MITF: variants seen among roughly 807,000 people sequenced by gnomAD.
MITF encodes melanocyte inducing transcription factor.
A neutral mutation model predicts 60.5 loss-of-function variants in MITF; 17 were observed. The ratio of observed to expected loss-of-function variants is 0.28; its 90% CI spans 0.19 to 0.42. The LOEUF (loss-of-function observed/expected upper bound fraction) is 0.42, where lower values mean the gene tolerates loss of function less well. Ranked by LOEUF, MITF falls within the 10% of genes least tolerant of loss-of-function variation. The pLI is 1.00. For missense variants in MITF, 622 were observed against 683.5 expected, an observed-to-expected ratio of 0.91 and a Z score of 1.00; for synonymous variants, 260 against 248.5, an observed-to-expected ratio of 1.05 and a Z score of -0.43.
Position 69,927,282 on chromosome 3 carries a change from C to T in MITF, c.355-10540C>T, listed in dbSNP as rs1158967861. 1.4e-4 allele frequency among the ~76,000 whole-genome samples: 22 copies of T among 152,116 alleles called. 1 individual carries two copies. The highest frequency in any genetic ancestry group is 2.9e-5 in the Non-Finnish European group (2 of 68,018). ...ATTAACACAGTAACGGAAAACCAAA[C>T]ACCACATGTTCTCATTCATACGTGG... On this transcript the variant is annotated intron_variant, in intron 2 of 9. Transcript: ENST00000352241.
intron 1 of MITF, among the ~76,000 whole-genome samples, chr3:69,867,840 C>T (rs1467048938): frequency 6.6e-6 from 1 of 152,150 alleles, no homozygotes; most frequent in African/African-American, 2.4e-5. Flanking sequence ...TTTTAGTTAA[C>T]TAAAATACTT....
At chr3:69,827,205 T>C (rs1020732545) in intron 1 of MITF, among the ~76,000 whole-genome samples, 6 of 152,170 alleles carry the variant, frequency 3.9e-5, no homozygotes, top group African/African-American at 1.4e-4. Flanking sequence ...AGTGAGGACT[T>C]GAGAAAATTC....
rs756211227 is a variant in MITF, at chr3:69,949,001, C to A, written c.763-50C>A. 51 of 1,324,820 alleles carry A rather than the reference C, an allele frequency of 3.8e-5. No individual in the cohort carries two copies. The highest frequency in any genetic ancestry group is 4.3e-5 in the Non-Finnish European group (39 of 916,848). 82.1% of individuals were successfully genotyped at this position (1,324,820 alleles called of 1,614,324 possible). ...AGGATATAGGTTTTATCTGAAAAAA[C>A]ATGGGAATTGTTCAACAGTTAATTT... On this transcript the variant is annotated intron_variant, in intron 5 of 9. Transcript: ENST00000352241.
chr3:69,857,426 A>C (rs897020563), intron 1 of MITF, among the ~76,000 whole-genome samples: 1 of 152,150 alleles, frequency 6.6e-6, no homozygotes, highest in Non-Finnish European at 1.5e-5. Context: ...TGCAAATATG[A>C]GATACAGTTA....
At chr3:69,805,181 A>T (rs2062985258) in intron 1 of MITF, among the ~76,000 whole-genome samples, 1 of 152,170 alleles carries the variant, frequency 6.6e-6, no homozygotes, top group Non-Finnish European at 1.5e-5. Context: ...AGTTAGGAAG[A>T]TAATTGATCT....
intron 1 of MITF, among the ~76,000 whole-genome samples, chr3:69,838,824 T>C (rs1279965313): frequency 1.3e-5 from 2 of 152,204 alleles, no homozygotes; most frequent in African/African-American, 4.8e-5. Context: ...CTCCCCCTAA[T>C]TTTAAAAGTC....
intron 1 of MITF, among the ~76,000 whole-genome samples, chr3:69,840,500 G>C (rs887577422): frequency 2.0e-5 from 3 of 151,702 alleles, no homozygotes; most frequent in African/African-American, 7.3e-5. Context: ...TGGCACCTCG[G>C]AAAGGGAAGA....
intron 1 of MITF, among the ~76,000 whole-genome samples, chr3:69,781,777 C>T (rs950922051): frequency 5.9e-5 from 9 of 152,172 alleles, no homozygotes; most frequent in South Asian, 4.1e-4. Context: ...TGTTGGCAGG[C>T]GTTAGTCTGA....
chr3:69,896,862 C>T (rs918484861), intron 2 of MITF, among the ~76,000 whole-genome samples: 1 of 152,106 alleles, frequency 6.6e-6, no homozygotes. Flanking sequence ...ACTGTTGAAC[C>T]CTTCAAACAT....
chr3:69,856,212 A>G (rs2063915738), intron 1 of MITF, among the ~76,000 whole-genome samples: 1 of 152,084 alleles, frequency 6.6e-6, no homozygotes, highest in Admixed American at 6.6e-5. Context: ...CTCTCAATCA[A>G]TGTTTCCTAA....
At chr3:69,868,270 C>T (rs2064154397) in intron 1 of MITF, among the ~76,000 whole-genome samples, 2 of 152,028 alleles carry the variant, frequency 1.3e-5, no homozygotes, top group Non-Finnish European at 2.9e-5. Context: ...GTCTTTCCAC[C>T]CCCATTTTGC....
intron 1 of MITF, among the ~76,000 whole-genome samples, chr3:69,782,147 A>C (rs963881637): frequency 2.0e-5 from 3 of 152,242 alleles, no homozygotes; most frequent in Non-Finnish European, 4.4e-5. Flanking sequence ...GTGGCTGTAC[A>C]CAGAGGCCCT....
chr3:69,879,406 G>C (rs2064431235), intron 2 of MITF, 23 bp downstream of exon 2: 8 of 1,613,946 alleles, frequency 5.0e-6, no homozygotes, highest in Admixed American at 3.3e-5. Context: ...TGCTCTTGTT[G>C]GTTGGACCAA....
At chr3:69,829,694 A>C (rs1339501955) in intron 1 of MITF, among the ~76,000 whole-genome samples, 2 of 150,082 alleles carry the variant, frequency 1.3e-5, no homozygotes, top group African/African-American at 4.9e-5. Flanking sequence ...ACACACACAC[A>C]CACCAACTGT....
chr3:69,848,721 A>G (rs1338475906), intron 1 of MITF, among the ~76,000 whole-genome samples: 10 of 152,282 alleles, frequency 6.6e-5, no homozygotes, highest in Non-Finnish European at 1.5e-5. Flanking sequence ...ATCATGTCAC[A>G]TCTGCTTCGC....
At chr3:69,898,811 G>C (rs2107343325) in intron 2 of MITF, among the ~76,000 whole-genome samples, 1 of 152,270 alleles carries the variant, frequency 6.6e-6, no homozygotes, top group African/African-American at 2.4e-5. Flanking sequence ...AATGGCTGGA[G>C]CTGGTAATTT....
intron 1 of MITF, among the ~76,000 whole-genome samples, chr3:69,751,789 T>C (rs1050717294): frequency 3.3e-5 from 5 of 152,176 alleles, no homozygotes; most frequent in African/African-American, 1.2e-4. Context: ...TCTGTGTCTC[T>C]ACCATATCTC....
At chr3:69,818,202 G>T (rs1056039533) in intron 1 of MITF, among the ~76,000 whole-genome samples, 2 of 152,328 alleles carry the variant, frequency 1.3e-5, no homozygotes, top group South Asian at 4.1e-4. Flanking sequence ...GTAGGACAAA[G>T]TTCATGCAAC....
intron 7 of MITF, among the ~76,000 whole-genome samples, chr3:69,955,970 GT>G (rs1427743034): frequency 6.6e-6 from 1 of 152,184 alleles, no homozygotes; most frequent in Admixed American, 6.5e-5. Flanking sequence ...TAAAAAATGT[GT>G]GGAAATTTGT....
Sources: gnomAD v4.1 joint callset for allele counts (sites outside exome capture counted in the v4.1 genomes callset) on GRCh38, gnomAD v4.1.1 for gene constraint, MANE v1.5 for transcripts, NCBI Gene and HGNC (gene_info 2026-07-23, HGNC 2026-07-21) for gene names.